TMEM41A: variants seen among roughly 807,000 people sequenced by gnomAD.
The protein encoded by TMEM41A is transmembrane protein 41A.
In TMEM41A, 20 loss-of-function variants were observed where a neutral mutation model predicts 25.7. That is an observed-to-expected ratio of 0.78 (90% CI 0.55 to 1.13). The LOEUF (loss-of-function observed/expected upper bound fraction) is 1.13, where lower values mean the gene tolerates loss of function less well. Among genes scored for constraint, TMEM41A ranks in the 50% most tolerant of loss-of-function variants. The pLI is 0.00. For missense variants in TMEM41A, 299 were observed against 314.3 expected (o/e 0.95, Z 0.37); for synonymous variants, 133 against 139.6 (o/e 0.95, Z 0.33).
chr3:185,492,169 GCAT>G (rs1718978352), intron 4 of TMEM41A: 2 of 160,156 alleles, frequency 1.2e-5, no homozygotes, highest in Admixed American at 1.2e-4. Flanking sequence ...GGGTGTGGTG[GCAT>G]GTGCCTGTAA....
intron 2 of TMEM41A, 136 bp downstream of exon 2, chr3:185,496,691 AG>A (rs1377753995): frequency 9.1e-7 from 1 of 1,101,914 alleles, no homozygotes; most frequent in Non-Finnish European, 1.3e-6. Flanking sequence ...GTAAGTGCTG[AG>A]GGCCACTGTG....
In TMEM41A at chr3:185,495,193, C is replaced by G. The variant is rs1234878103; in HGVS notation, c.396G>C (p.Val132=). The change falls in exon 3 of 5, where the codon GTG becomes GTC. Residue 132 remains valine (V), a synonymous_variant. Coordinates refer to ENST00000421852, the MANE Select transcript of TMEM41A (RefSeq NM_080652.4). ...LSSIFGKQLV[V]SYFPDKVALL... is the part of the protein sequence containing the mutation. Reference sequence around the variant, plus strand: ...GGGCCACTTTATCAGGAAAGTAGGACACCACCAACTGTTTGCCAAAAATAC... The same window carrying G: ...GGGCCACTTTATCAGGAAAGTAGGAGACCACCAACTGTTTGCCAAAAATAC... 3 of 1,613,776 alleles carry G rather than the reference C, an allele frequency of 1.9e-6. No individual in the cohort carries two copies. Among genetic ancestry groups the G allele is most frequent in the Non-Finnish European group, 2.5e-6 (3 of 1,180,026 alleles).
At position 185,491,358 on chromosome 3, in the gene TMEM41A, A is replaced by C; in HGVS notation, c.*179T>G. On this transcript the variant is annotated 3_prime_UTR_variant, in exon 5 of 5. Coordinates refer to ENST00000421852, the MANE Select transcript of TMEM41A (RefSeq NM_080652.4). ...CTGCTACACCAGGGCTGGTTTGAAAACCTGATGTAATACACCTTCAAGAGC... is the reference window on the plus strand; with the variant it reads ...CTGCTACACCAGGGCTGGTTTGAAACCCTGATGTAATACACCTTCAAGAGC... The C allele has an allele frequency of 1.8e-6, 1 of 569,392 alleles. No individual in the cohort carries two copies. Among genetic ancestry groups the C allele is most frequent in the South Asian group, 2.1e-5 (1 of 46,976 alleles). 35.3% of individuals were successfully genotyped at this position (569,392 alleles called of 1,614,324 possible).
Position 185,489,828 on chromosome 3 carries a change from C to T in TMEM41A, c.*1709G>A, listed in dbSNP as rs2148937636. On this transcript the variant is annotated 3_prime_UTR_variant, in exon 5 of 5. Transcript: ENST00000421852. ...TCTTCAAAGTCTGCTGCCTCCTTCCCCCACTCTCGTTATCAAGGCTTCTTT... is the reference window on the plus strand; with the variant it reads ...TCTTCAAAGTCTGCTGCCTCCTTCCTCCACTCTCGTTATCAAGGCTTCTTT... The T allele has an allele frequency of 6.6e-6, 1 of 152,300 alleles. No homozygotes were observed. The highest frequency in any genetic ancestry group is 1.5e-5 in the Non-Finnish European group (1 of 68,042). 9.4% of individuals were successfully genotyped at this position (152,300 alleles called of 1,614,324 possible). A position where few individuals can be genotyped will look rare whatever the true frequency, so the allele number is the denominator to read the frequency against.
intron 3 of TMEM41A, 125 bp downstream of exon 3, chr3:185,495,029 C>A: frequency 8.2e-7 from 1 of 1,217,058 alleles, no homozygotes; most frequent in Non-Finnish European, 1.2e-6. Flanking sequence ...TCAAAAGAAC[C>A]CCTAGGACCT....
chr3:185,493,269 G>A (rs1719008999), intron 4 of TMEM41A: 2 of 152,224 alleles, frequency 1.3e-5, no homozygotes, highest in Non-Finnish European at 2.9e-5. Flanking sequence ...TTATCTGGAC[G>A]AGTAGCCCGT....
rs1472451990 is a variant in TMEM41A at position 185,490,439 on chromosome 3, G to A, written c.*1098C>T. 1 of 152,200 alleles carries A rather than the reference G, an allele frequency of 6.6e-6. No homozygotes were observed. Among genetic ancestry groups the A allele is most frequent in the Non-Finnish European group, 1.5e-5 (1 of 68,062 alleles). The allele number at this position is 152,200 out of a possible 1,614,324, so 9.4% of individuals were successfully genotyped here. ...AAATGTTTGCCTGGTCATGATTCAG[G>A]TGAGTCAAGGGCCCTGCCCCATCCA... is the stretch of plus-strand genomic sequence containing the variant. On this transcript the variant is annotated 3_prime_UTR_variant, in exon 5 of 5. Coordinates refer to ENST00000421852, the MANE Select transcript of TMEM41A (RefSeq NM_080652.4).
intron 4 of TMEM41A, chr3:185,492,405 G>A (rs1487788793): frequency 6.6e-6 from 1 of 152,096 alleles, no homozygotes; most frequent in African/African-American, 2.4e-5. Flanking sequence ...AATGCATAAG[G>A]TTCACCTGTT....
rs1392915187 is a variant in TMEM41A at position 185,496,824 on chromosome 3, T to C, written c.273+4A>G. 2.5e-6 allele frequency: 4 copies of C among 1,604,304 alleles called. No homozygotes were observed. In the Admixed American group the frequency reaches 5.2e-5, roughly 21 times the overall value. ...CAGGGTTGGAGGGAGGGCAGGACAC[T>C]GACCAGGAAGCTGGAGCCGGGGATG... On this transcript the variant is annotated splice_donor_region_variant and intron_variant, in intron 2 of 4. Coordinates refer to ENST00000421852, the MANE Select transcript of TMEM41A (RefSeq NM_080652.4).
In TMEM41A at chr3:185,494,941, T is replaced by C. The variant is rs894376634; in HGVS notation, c.436-180A>G. Reference sequence around the variant, plus strand: ...ATAGACATGCTGAGGATCAGAGAAGTCAAGAACTTGCCCAAAGTCACAGAG... The same window carrying C: ...ATAGACATGCTGAGGATCAGAGAAGCCAAGAACTTGCCCAAAGTCACAGAG... On this transcript the variant is annotated intron_variant, in intron 3 of 4. Transcript: ENST00000421852. 3 of 978,504 alleles carry C rather than the reference T, an allele frequency of 3.1e-6. No homozygotes were observed. In the African/African-American group the frequency reaches 4.9e-5, roughly 16 times the overall value. The allele number at this position is 978,504 out of a possible 1,614,324, so 60.6% of individuals were successfully genotyped here.
Position 185,494,617 on chromosome 3 carries a change from T to C in TMEM41A, c.574+6A>G. On this transcript the variant is annotated splice_donor_region_variant and intron_variant, in intron 4 of 4. Coordinates refer to ENST00000421852, the MANE Select transcript of TMEM41A (RefSeq NM_080652.4). ...AAGACTCAAACCTACCCCACTAGCATCTTACCGATAAGAACTGAGAAGAAG... is the reference window on the plus strand; with the variant it reads ...AAGACTCAAACCTACCCCACTAGCACCTTACCGATAAGAACTGAGAAGAAG... 6.3e-7 allele frequency: 1 copy of C among 1,590,018 alleles called. No homozygotes were observed. The highest frequency in any genetic ancestry group is 8.5e-7 in the Non-Finnish European group (1 of 1,170,432).
At chr3:185,496,519 CT>C (rs1190037216) in intron 2 of TMEM41A, 1 of 394,652 alleles carries the variant, frequency 2.5e-6, no homozygotes, top group Non-Finnish European at 4.8e-6. Context: ...CACACCTCCC[CT>C]GCCTCTCTTG....
chr3:185,497,101 T>A (rs2148939932), intron 1 of TMEM41A, 120 bp from the exon 2 acceptor site: 6 of 1,248,946 alleles, frequency 4.8e-6, no homozygotes, highest in South Asian at 4.4e-5. Context: ...TCTGATCTGC[T>A]GGGAACACAT....
rs139252054 is a variant in TMEM41A, at chr3:185,491,625, C to A, written c.707G>T (p.Gly236Val). 17 of 1,613,996 alleles carry A rather than the reference C, an allele frequency of 1.1e-5. No homozygotes were observed. Among genetic ancestry groups the A allele is most frequent in the Non-Finnish European group, 1.4e-5 (17 of 1,180,036 alleles). Reference protein sequence around the residue: ...LAIAMVALIPGTLIKKFSQKH... With the variant: ...LAIAMVALIPVTLIKKFSQKH... ...CTGACTAAATTTTTTAATGAGGGTT[C>A]CAGGAATTAATGCCACCATGGCAAT... is the stretch of plus-strand genomic sequence containing the variant. The change falls in exon 5 of 5, where the codon GGA becomes GTA. Residue 236 changes from glycine (G) to valine (V), a missense_variant. Coordinates refer to ENST00000421852, the MANE Select transcript of TMEM41A (RefSeq NM_080652.4).
Position 185,491,456 on chromosome 3 carries a change from A to G in TMEM41A, c.*81T>C, listed in dbSNP as rs532567656. 63 of 1,173,878 alleles carry G rather than the reference A, an allele frequency of 5.4e-5. No homozygotes were observed. The African/African-American group carries it at 8.5e-4, about 16-fold the overall frequency. 72.7% of individuals were successfully genotyped at this position (1,173,878 alleles called of 1,614,324 possible). ...CATCACCTATAGAAGGCAATCAAAA[A>G]CAATGAGGGGCTTTAGAGGACCACA... On this transcript the variant is annotated 3_prime_UTR_variant, in exon 5 of 5. Coordinates refer to ENST00000421852, the MANE Select transcript of TMEM41A (RefSeq NM_080652.4).
At position 185,491,392 on chromosome 3, in the gene TMEM41A, C is replaced by T; in HGVS notation, c.*145G>A. The T allele has an allele frequency of 1.5e-6, 1 of 649,942 alleles. No homozygotes were observed. Among genetic ancestry groups the T allele is most frequent in the Non-Finnish European group, 2.6e-6 (1 of 377,638 alleles). The allele number at this position is 649,942 out of a possible 1,614,324, so 40.3% of individuals were successfully genotyped here. Reference sequence around the variant, plus strand: ...AATACACCTTCAAGAGCAGAGTGTCCTTTCTGAAAAGACACTGCACATTGA... The same window carrying T: ...AATACACCTTCAAGAGCAGAGTGTCTTTTCTGAAAAGACACTGCACATTGA... On this transcript the variant is annotated 3_prime_UTR_variant, in exon 5 of 5. Coordinates refer to ENST00000421852, the MANE Select transcript of TMEM41A (RefSeq NM_080652.4).
chr3:185,495,413 G>A lies in TMEM41A; in HGVS notation c.274-98C>T, dbSNP rs966077637. The A allele has an allele frequency of 8.4e-6, 10 of 1,194,930 alleles. No individual in the cohort carries two copies. The African/African-American group carries it at 1.5e-4, about 18-fold the overall frequency. 74.0% of individuals were successfully genotyped at this position (1,194,930 alleles called of 1,614,324 possible). Reference sequence around the variant, plus strand: ...GTCATAGGTTCCCTCCTCCTTCACTGCTTTTTTCCAGCTAAAACCCAATTG... The same window carrying A: ...GTCATAGGTTCCCTCCTCCTTCACTACTTTTTTCCAGCTAAAACCCAATTG... On this transcript the variant is annotated intron_variant, in intron 2 of 4. Transcript: ENST00000421852.
At chr3:185,494,895 G>T (rs768307411) in intron 3 of TMEM41A, 134 bp from the exon 4 acceptor site, 90 of 1,177,402 alleles carry the variant, frequency 7.6e-5, no homozygotes, top group Non-Finnish European at 1.0e-4. Context: ...TCCAGGGAAA[G>T]ACTGTTTTCC....
At chr3:185,492,570 G>A (rs1163235316) in intron 4 of TMEM41A, 1 of 152,236 alleles carries the variant, frequency 6.6e-6, no homozygotes, top group African/African-American at 2.4e-5. Context: ...CCAAAAGTCT[G>A]GCTGGCTGAA....
Sources: gnomAD v4.1 joint callset for allele counts on GRCh38, gnomAD v4.1.1 for gene constraint, MANE v1.5 for transcripts, NCBI Gene and HGNC (gene_info 2026-07-23, HGNC 2026-07-21) for gene names.